DYSF: variants seen among roughly 807,000 people sequenced by gnomAD.
DYSF encodes the protein dystrophy-associated fer-1-like 1.
Under a neutral mutation model 274.9 loss-of-function variants are expected in DYSF, and 212 were observed. That is an observed-to-expected ratio of 0.77 (90% CI 0.69 to 0.86). The LOEUF is 0.86. DYSF is among the 40% of genes least tolerant of loss of function. DYSF has a pLI of 0.00. For synonymous variants in DYSF, 1,091 were observed against 1,078.7 expected (o/e 1.01, Z -0.22); for missense variants, 2,666 against 2,783.2 (o/e 0.96, Z 0.95).
chr2:71,493,589 C>T (rs1481887967), intron 3 of DYSF, among the ~76,000 whole-genome samples: 4 of 152,220 alleles, frequency 2.6e-5, no homozygotes, highest in Non-Finnish European at 5.9e-5. Flanking sequence ...CGCTGGCTCA[C>T]GCCTGTAATA....
intron 31 of DYSF, 45 bp from the exon 32 acceptor site, chr2:71,590,166 C>A: frequency 6.2e-7 from 1 of 1,606,062 alleles, no homozygotes; most frequent in East Asian, 2.2e-5. Context: ...CTCTTAACCA[C>A]TCCAGCCACT....
chr2:71,605,972 A>G (rs2093639512), intron 36 of DYSF, among the ~76,000 whole-genome samples: 1 of 152,098 alleles, frequency 6.6e-6, no homozygotes, highest in Admixed American at 6.5e-5. Flanking sequence ...TCCCCGAGGA[A>G]CCAGGATGTG....
At chr2:71,576,594 G>T (rs2092706941) in intron 30 of DYSF, among the ~76,000 whole-genome samples, 1 of 152,230 alleles carries the variant, frequency 6.6e-6, no homozygotes, top group Non-Finnish European at 1.5e-5. Context: ...TTCACGGTTG[G>T]CCCTGGCAAG....
At chr2:71,557,191 G>A (rs1227772202) in intron 22 of DYSF, among the ~76,000 whole-genome samples, 2 of 152,238 alleles carry the variant, frequency 1.3e-5, no homozygotes, top group East Asian at 1.9e-4. Context: ...AATGGGCAGA[G>A]GAGGTAAAGT....
At chr2:71,553,752 A>AAACCCCCCCCCCCCCCCCCAGG in intron 20 of DYSF, 55 bp from the exon 21 acceptor site, 1 of 267,804 alleles carries the variant, frequency 3.7e-6, no homozygotes, top group Non-Finnish European at 6.7e-6. Context: ...TTAGCACCCC[A>AAACCCCCCCCCCCCCCCCCAGG]TCCCACCCGC....
At chr2:71,611,690 G>T in intron 38 of DYSF, 64 bp downstream of exon 38, 1 of 1,570,740 alleles carries the variant, frequency 6.4e-7, no homozygotes. Flanking sequence ...ACATGTCCCC[G>T]AGCAGCCTGG....
At chr2:71,541,627 G>T (rs924272890) in intron 17 of DYSF, among the ~76,000 whole-genome samples, 3 of 151,316 alleles carry the variant, frequency 2.0e-5, no homozygotes, top group African/African-American at 7.3e-5. Flanking sequence ...TAACTTTATA[G>T]CTTCTTGTCT....
chr2:71,591,314 A>C (rs1217763775), intron 32 of DYSF, among the ~76,000 whole-genome samples: 2 of 152,174 alleles, frequency 1.3e-5, no homozygotes, highest in African/African-American at 4.8e-5. Flanking sequence ...CCAGTGCCTT[A>C]CCAGCACCTC....
intron 4 of DYSF, among the ~76,000 whole-genome samples, chr2:71,504,349 C>G (rs573776863): frequency 6.6e-6 from 1 of 152,312 alleles, no homozygotes; most frequent in East Asian, 1.9e-4. Context: ...GATGGCTGGG[C>G]TGCTCCCTTG....
At chr2:71,611,937 C>T (rs1435284404) in intron 38 of DYSF, among the ~76,000 whole-genome samples, 2 of 152,118 alleles carry the variant, frequency 1.3e-5, no homozygotes, top group African/African-American at 4.8e-5. Flanking sequence ...CCTTGGGGAC[C>T]TGCTAGGGCT....
intron 9 of DYSF, 84 bp downstream of exon 9, chr2:71,516,326 G>T (rs1029170905): frequency 7.8e-7 from 1 of 1,287,660 alleles, no homozygotes; most frequent in Non-Finnish European, 1.1e-6. Flanking sequence ...GTTTGTGCAC[G>T]TGTGTGCATG....
chr2:71,550,955 G>T, intron 17 of DYSF, 86 bp from the exon 18 acceptor site: 1 of 1,143,528 alleles, frequency 8.7e-7, no homozygotes, highest in Non-Finnish European at 1.3e-6. Context: ...GAGGGCCAGG[G>T]GTGGGCTCAG....
chr2:71,469,987 A>T (rs1028577214), intron 1 of DYSF, among the ~76,000 whole-genome samples: 2 of 152,142 alleles, frequency 1.3e-5, no homozygotes, highest in Non-Finnish European at 2.9e-5. Context: ...GTGCTTTTCT[A>T]GGTGCTTGGA....
At chr2:71,634,186 T>A (rs2094358428) in intron 41 of DYSF, among the ~76,000 whole-genome samples, 1 of 152,200 alleles carries the variant, frequency 6.6e-6, no homozygotes, top group Non-Finnish European at 1.5e-5. Context: ...AGTGGTGTTT[T>A]AATGGCCAGA....
chr2:71,537,223 G>GTTTTGTTTTTTTTTTTT (rs1553536523), intron 16 of DYSF, among the ~76,000 whole-genome samples: 9 of 79,626 alleles, frequency 1.1e-4, no homozygotes, highest in Admixed American at 1.8e-4. Context: ...TTCTAGTTTT[G>GTTTTGTTTTTTTTTTTT]TTTTTTTTTT....
chr2:71,462,014 T>C (rs1194445940), upstream of DYSF, among the ~76,000 whole-genome samples: 3 of 152,190 alleles, frequency 2.0e-5, no homozygotes, highest in Admixed American at 2.0e-4. Flanking sequence ...CACAGGATCC[T>C]AAGGGTGTTG....
intron 30 of DYSF, among the ~76,000 whole-genome samples, chr2:71,575,171 G>A (rs1257430561): frequency 6.6e-6 from 1 of 152,164 alleles, no homozygotes. Context: ...AGGACAGCCT[G>A]GCTTTGAAGG....
At chr2:71,492,556 A>AT (rs980271263) in intron 3 of DYSF, among the ~76,000 whole-genome samples, 8 of 152,026 alleles carry the variant, frequency 5.3e-5, no homozygotes, top group South Asian at 2.1e-4. Context: ...CTTCTGGAAC[A>AT]TTTTTTTTAA....
chr2:71,480,273 T>G (rs116012059), intron 1 of DYSF, among the ~76,000 whole-genome samples: 7,225 of 152,194 alleles, frequency 0.047, 214 homozygotes, highest in African/African-American at 0.071. Context: ...GTGGCTCACA[T>G]TTGTAATCCC....
Sources: allele counts gnomAD v4.1 joint callset (sites outside exome capture counted in the v4.1 genomes callset), GRCh38; gene constraint gnomAD v4.1.1; transcripts MANE v1.5; gene names NCBI Gene and HGNC (gene_info 2026-07-23, HGNC 2026-07-21).